PDE4D: variants seen among roughly 807,000 people sequenced by gnomAD.
PDE4D encodes the protein 3',5'-cyclic-AMP phosphodiesterase 4D.
PDE4D carries 24 observed loss-of-function variants against 87.4 expected under a neutral mutation model. The observed-to-expected ratio is 0.27, with a 90% CI of 0.20 to 0.39. PDE4D has a LOEUF of 0.39. Among genes scored for constraint, PDE4D ranks in the 10% least tolerant of loss-of-function variants. The pLI is 1.00. For synonymous variants in PDE4D, 384 were observed against 383.2 expected (o/e 1.00, Z -0.02); for missense variants, 714 against 1,041.0 (o/e 0.69, Z 4.32).
chr5:60,232,511 G>A (rs1037592626), intron 1 of PDE4D, among the ~76,000 whole-genome samples: 17 of 151,850 alleles, frequency 1.1e-4, no homozygotes, highest in African/African-American at 4.1e-4. Flanking sequence ...TCAATGGTAT[G>A]TTTTTGAGAC....
At chr5:59,969,776 C>T (rs1240043941) in intron 3 of PDE4D, among the ~76,000 whole-genome samples, 5 of 152,152 alleles carry the variant, frequency 3.3e-5, no homozygotes, top group Non-Finnish European at 7.4e-5. Context: ...GCTGCCACCA[C>T]GTGAAGAAGG....
chr5:59,392,042 T>C (rs419953), intron 1 of PDE4D, among the ~76,000 whole-genome samples: 1 of 151,114 alleles, frequency 6.6e-6, no homozygotes, highest in Admixed American at 6.6e-5. Context: ...AATTTTTGTC[T>C]GTTTCATTCA....
chr5:59,758,335 G>A lies in PDE4D; in HGVS notation c.455+134833C>T, dbSNP rs570687711. 5.3e-5 allele frequency among the ~76,000 whole-genome samples: 8 copies of A among 152,236 alleles called. No individual in the cohort carries two copies. The South Asian group carries it at 1.0e-3, about 20-fold the overall frequency. On this transcript the variant is annotated intron_variant, in intron 1 of 14. Transcript: ENST00000340635. ...ACATGGCAGGAGCTAAATCATTGAC[G>A]TCTATGTTATAATTAATCTAAGGTT...
At chr5:59,805,531 C>A (rs985271370) in intron 1 of PDE4D, among the ~76,000 whole-genome samples, 6 of 152,012 alleles carry the variant, frequency 3.9e-5, no homozygotes, top group African/African-American at 1.4e-4. Context: ...ATGCAAAGTT[C>A]AAAAAATATA....
At chr5:60,023,935 T>G (rs1766359519) in intron 2 of PDE4D, among the ~76,000 whole-genome samples, 1 of 152,164 alleles carries the variant, frequency 6.6e-6, no homozygotes, top group African/African-American at 2.4e-5. Context: ...AGTATTTCTC[T>G]AAAAAATGGG....
intron 1 of PDE4D, among the ~76,000 whole-genome samples, chr5:59,340,596 T>C (rs1245350018): frequency 6.6e-6 from 1 of 152,170 alleles, no homozygotes; most frequent in Non-Finnish European, 1.5e-5. Context: ...CAATCAGTCT[T>C]TTGTGCTATC....
intron 2 of PDE4D, among the ~76,000 whole-genome samples, chr5:60,076,935 T>G (rs11746704): frequency 0.29 from 44,655 of 152,084 alleles, 7,311 homozygotes; most frequent in East Asian, 0.74. Flanking sequence ...GCGACATGGC[T>G]TGGGGGCGGG....
intron 1 of PDE4D, among the ~76,000 whole-genome samples, chr5:59,667,348 G>C (rs1363102343): frequency 1.3e-5 from 2 of 152,022 alleles, no homozygotes; most frequent in Non-Finnish European, 2.9e-5. Flanking sequence ...GTCTCACTCT[G>C]TCGCTCAGGC....
At chr5:59,349,407 C>T (rs981970277) in intron 1 of PDE4D, among the ~76,000 whole-genome samples, 3 of 152,038 alleles carry the variant, frequency 2.0e-5, no homozygotes, top group Admixed American at 6.6e-5. Context: ...GAATTGAATG[C>T]TTCCTCTTTT....
chr5:59,627,646 T>A (rs909204870), intron 1 of PDE4D, among the ~76,000 whole-genome samples: 1 of 152,196 alleles, frequency 6.6e-6, no homozygotes, highest in Non-Finnish European at 1.5e-5. Flanking sequence ...CAAGGCACAT[T>A]GGAGTATGTT....
chr5:59,562,545 T>C (rs1296914646), intron 1 of PDE4D, among the ~76,000 whole-genome samples: 5 of 152,234 alleles, frequency 3.3e-5, no homozygotes, highest in Admixed American at 2.6e-4. Context: ...TGGAAATTCA[T>C]TTCCAAATAA....
chr5:60,095,008 T>A (rs1775524346), intron 2 of PDE4D, among the ~76,000 whole-genome samples: 1 of 152,132 alleles, frequency 6.6e-6, no homozygotes, highest in African/African-American at 2.4e-5. Flanking sequence ...AACAAAAATA[T>A]CTACATAATA....
intron 3 of PDE4D, among the ~76,000 whole-genome samples, chr5:59,960,438 G>A (rs1347108838): frequency 6.6e-6 from 1 of 152,070 alleles, no homozygotes; most frequent in East Asian, 1.9e-4. Context: ...CAATAGCAAA[G>A]ACATGGAAGC....
intron 1 of PDE4D, among the ~76,000 whole-genome samples, chr5:59,871,789 A>C (rs1253647074): frequency 6.6e-6 from 1 of 152,102 alleles, no homozygotes; most frequent in Non-Finnish European, 1.5e-5. Context: ...GTTAAAGGCA[A>C]ATTTTTTCAT....
At chr5:60,137,434 G>A (rs903135354) in intron 2 of PDE4D, among the ~76,000 whole-genome samples, 4 of 152,008 alleles carry the variant, frequency 2.6e-5, no homozygotes, top group South Asian at 2.1e-4. Flanking sequence ...AAAAGCATTC[G>A]TTTTTCTCCA....
At chr5:60,279,348 C>T (rs181113719) in intron 1 of PDE4D, among the ~76,000 whole-genome samples, 1 of 152,294 alleles carries the variant, frequency 6.6e-6, no homozygotes, top group East Asian at 1.9e-4. Flanking sequence ...CATGTGGTCT[C>T]CACTGACACT....
intron 1 of PDE4D, among the ~76,000 whole-genome samples, chr5:60,320,159 A>G (rs1400457597): frequency 6.6e-6 from 1 of 152,142 alleles, no homozygotes; most frequent in African/African-American, 2.4e-5. Flanking sequence ...CGCTTTGTTT[A>G]CCTACTCAAG....
chr5:59,605,136 A>G (rs986254151), intron 1 of PDE4D, among the ~76,000 whole-genome samples: 1 of 152,126 alleles, frequency 6.6e-6, no homozygotes, highest in Non-Finnish European at 1.5e-5. Flanking sequence ...AAAACTGCAT[A>G]TTGGCTGACA....
chr5:59,678,674 A>C (rs1180977724), intron 1 of PDE4D, among the ~76,000 whole-genome samples: 1 of 152,162 alleles, frequency 6.6e-6, no homozygotes, highest in African/African-American at 2.4e-5. Context: ...CATGTTGGTC[A>C]GGCTGGTCTT....
Sources: allele counts gnomAD v4.1 joint callset (sites outside exome capture counted in the v4.1 genomes callset), GRCh38; gene constraint gnomAD v4.1.1; transcripts MANE v1.5; gene names NCBI Gene and HGNC (gene_info 2026-07-23, HGNC 2026-07-21).